RSPRY1: variants seen among roughly 807,000 people sequenced by gnomAD.
The protein encoded by RSPRY1 is RING finger and SPRY domain-containing protein 1.
RSPRY1 carries 23 observed loss-of-function variants against 73.1 expected under a neutral mutation model. The observed-to-expected ratio is 0.31, with a 90% confidence interval of 0.23 to 0.45. The LOEUF (loss-of-function observed/expected upper bound fraction) is 0.45. RSPRY1 is among the 20% of genes least tolerant of loss of function. The pLI is 1.00. For synonymous variants in RSPRY1, 226 were observed against 251.4 expected (o/e 0.90, Z 0.95); for missense variants, 448 against 698.7 (o/e 0.64, Z 4.05).
At chr16:57,229,087 T>G (rs2075166634) in intron 11 of RSPRY1, among the ~76,000 whole-genome samples, 1 of 152,234 alleles carries the variant, frequency 6.6e-6, no homozygotes, top group Non-Finnish European at 1.5e-5. Context: ...ACACTGACAT[T>G]TTTGCCTTTT....
chr16:57,216,865 C>T (rs754914806), intron 7 of RSPRY1, 39 bp from the exon 8 acceptor site: 1 of 1,597,352 alleles, frequency 6.3e-7, no homozygotes, highest in South Asian at 1.1e-5. Flanking sequence ...TCATTCTACC[C>T]TTTCATTGTT....
At chr16:57,220,046 G>C (rs1320973739) in intron 8 of RSPRY1, 2 of 152,092 alleles carry the variant, frequency 1.3e-5, no homozygotes, top group Admixed American at 1.3e-4. Context: ...ATGCAGTTTT[G>C]GTTCCTATGA....
rs1242083503 is a variant in RSPRY1, at chr16:57,235,208, A to G, written c.1614A>G (p.Gln538=). ...SLCCDEVADT[Q]LKPCGHSDLC... ...GTTGTGATGAGGTAGCAGACACACA[A>G]TTGAAGCCATGTGGACACAGGTAAG... Residue 538 remains glutamine (Q), a synonymous_variant, in exon 14 of 15, where the codon CAA becomes CAG. Coordinates refer to ENST00000394420, the MANE Select transcript of RSPRY1 (RefSeq NM_133368.3). 27 of 1,613,408 alleles carry G rather than the reference A, an allele frequency of 1.7e-5. No homozygotes were observed. The highest frequency in any genetic ancestry group is 2.3e-5 in the Non-Finnish European group (27 of 1,179,434).
At chr16:57,209,219 C>T in intron 4 of RSPRY1, 32 bp downstream of exon 4, 1 of 1,379,750 alleles carries the variant, frequency 7.2e-7, no homozygotes, top group East Asian at 2.3e-5. Context: ...ATGAAACTAT[C>T]ATTTGTGCTT....
chr16:57,204,778 G>T lies in RSPRY1; in HGVS notation c.120G>T (p.Met40Ile). 2 of 1,614,162 alleles carry T rather than the reference G, an allele frequency of 1.2e-6. No individual in the cohort carries two copies. Among genetic ancestry groups the T allele is most frequent in the Non-Finnish European group, 1.7e-6 (2 of 1,180,028 alleles). The change falls in exon 2 of 15, where the codon ATG becomes ATT. Residue 40 changes from methionine (M) to isoleucine (I), a missense_variant. Physicochemically the swap from Met to Ile is conservative, Grantham distance 10. Coordinates refer to ENST00000394420, the MANE Select transcript of RSPRY1 (RefSeq NM_133368.3). ...GGACTGGAGGTGCCGCTACTACCAT[G>T]GGTAATTCCTGTATCTGCCGAGATG... ...FLGTGGAATT[M>I]GNSCICRDDS... is the part of the protein sequence containing the mutation.
intron 1 of RSPRY1, among the ~76,000 whole-genome samples, chr16:57,201,766 G>A (rs953792700): frequency 2.6e-5 from 4 of 152,200 alleles, no homozygotes; most frequent in East Asian, 3.9e-4. Context: ...AGACCAGCCC[G>A]GCCAACACAG....
In RSPRY1 at chr16:57,204,847, C is replaced by T. The variant is rs147121129; in HGVS notation, c.189C>T (p.Ala63=). 7.0e-4 allele frequency: 1,132 copies of T among 1,614,132 alleles called. 8 individuals carry two copies. The African/African-American group carries it at 0.013, about 19-fold the overall frequency. The part of the protein sequence containing the change: ...DDSVDTQQQQ[A]ENSAVPTADT... ...GTGTTGACACCCAACAGCAACAGGC[C>T]GAGAACAGTGCAGTACCCACTGCTG... is the stretch of plus-strand genomic sequence containing the variant. The change falls in exon 2 of 15, where the codon GCC becomes GCT. Residue 63 remains alanine (A), a synonymous_variant. Transcript: ENST00000394420.
intron 6 of RSPRY1, among the ~76,000 whole-genome samples, chr16:57,214,203 A>G (rs1442432035): frequency 6.6e-6 from 1 of 152,234 alleles, no homozygotes; most frequent in East Asian, 1.9e-4. Context: ...GATAGCTGCT[A>G]TGATTGGCTC....
At chr16:57,213,528 G>T (rs1597895383) in intron 5 of RSPRY1, among the ~76,000 whole-genome samples, 1 of 152,230 alleles carries the variant, frequency 6.6e-6, no homozygotes, top group East Asian at 1.9e-4. Flanking sequence ...TGAGAAGCAG[G>T]TATTTAATTT....
chr16:57,186,169 A>C (rs2074162587), upstream of RSPRY1: 1 of 985,720 alleles, frequency 1.0e-6, no homozygotes, highest in Non-Finnish European at 1.2e-6. Flanking sequence ...CCTCAGGATG[A>C]GGACTGGCCA....
intron 2 of RSPRY1, 99 bp from the exon 3 acceptor site, chr16:57,207,958 CT>C: frequency 1.4e-6 from 1 of 740,288 alleles, no homozygotes; most frequent in Non-Finnish European, 2.4e-6. Context: ...GTGTTCATTT[CT>C]TCTGTCCCTT....
intron 1 of RSPRY1, among the ~76,000 whole-genome samples, chr16:57,199,988 T>A (rs1447848641): frequency 2.8e-5 from 4 of 141,386 alleles, no homozygotes; most frequent in African/African-American, 1.1e-4. Context: ...AGGACAATAG[T>A]GGAGGGAAGG....
chr16:57,199,107 C>T (rs1457798706), intron 1 of RSPRY1, among the ~76,000 whole-genome samples: 11 of 152,166 alleles, frequency 7.2e-5, no homozygotes, highest in Admixed American at 7.2e-4. Context: ...CCTTTAAATG[C>T]ATGAGGTAGT....
At chr16:57,231,341 T>C in intron 13 of RSPRY1, 22 bp downstream of exon 13, 1 of 1,588,394 alleles carries the variant, frequency 6.3e-7, no homozygotes, top group Non-Finnish European at 8.6e-7. Context: ...GCCCAGGCTA[T>C]CTCCAGACTT....
chr16:57,217,821 A>G (rs2074965562), intron 8 of RSPRY1, among the ~76,000 whole-genome samples: 2 of 152,226 alleles, frequency 1.3e-5, no homozygotes, highest in South Asian at 4.1e-4. Flanking sequence ...GCATAACTGG[A>G]CATGTAAATC....
intron 1 of RSPRY1, among the ~76,000 whole-genome samples, chr16:57,202,878 T>TTTTATATA (rs1237175240): frequency 1.1e-4 from 14 of 131,634 alleles, no homozygotes; most frequent in South Asian, 5.7e-4. Flanking sequence ...TTACATATGA[T>TTTTATATA]TATATATATA....
upstream of RSPRY1, chr16:57,186,233 A>C (rs1045529524): frequency 3.2e-6 from 3 of 938,142 alleles, no homozygotes; most frequent in Non-Finnish European, 3.8e-6. Flanking sequence ...CGATTTTTGA[A>C]AGGTGATTGG....
At chr16:57,230,626 G>A (rs1203399167) in intron 11 of RSPRY1, 85 bp from the exon 12 acceptor site, 5 of 743,440 alleles carry the variant, frequency 6.7e-6, no homozygotes, top group Non-Finnish European at 1.2e-5. Flanking sequence ...ACTTAATACA[G>A]TGCCATTGAA....
rs369535247 is a variant in RSPRY1, at chr16:57,230,705, C to T, written c.1274-6C>T. The T allele has an allele frequency of 8.7e-6, 13 of 1,498,616 alleles. No individual in the cohort carries two copies. The highest frequency in any genetic ancestry group is 1.1e-5 in the Non-Finnish European group (12 of 1,077,036). The allele number at this position is 1,498,616 out of a possible 1,614,324, so 92.8% of individuals were successfully genotyped here. A position where few individuals can be genotyped will look rare whatever the true frequency, so the allele number is the denominator to read the frequency against. ...TATCCTAACAGTGTTTCTCTTTATC[C>T]TCTAGGAGATACAGTAGGATTTCTG... On this transcript the variant is annotated splice_polypyrimidine_tract_variant and splice_region_variant and intron_variant, in intron 11 of 14. Coordinates refer to ENST00000394420, the MANE Select transcript of RSPRY1 (RefSeq NM_133368.3).
Sources: gnomAD v4.1 joint callset for allele counts (sites outside exome capture counted in the v4.1 genomes callset) on GRCh38, gnomAD v4.1.1 for gene constraint, MANE v1.5 for transcripts, NCBI Gene and HGNC (gene_info 2026-07-23, HGNC 2026-07-21) for gene names.